Variants in PLCB1 observed in about 807,000 individuals in gnomAD.
PLCB1 encodes phospholipase C beta 1.
Under a neutral mutation model 161.8 loss-of-function variants are expected in PLCB1, and 46 were observed. That is an observed-to-expected ratio of 0.28 (90% confidence interval 0.22 to 0.36). The LOEUF (loss-of-function observed/expected upper bound fraction) is 0.36, where lower values mean the gene tolerates loss of function less well. Among genes scored for constraint, PLCB1 ranks in the 10% least tolerant of loss-of-function variants. PLCB1 has a pLI of 1.00. For missense variants in PLCB1, 1,016 were observed against 1,472.5 expected, an observed-to-expected ratio of 0.69 and a Z score of 5.07; for synonymous variants, 517 against 503.7, an observed-to-expected ratio of 1.03 and a Z score of -0.35.
intron 9 of PLCB1, among the ~76,000 whole-genome samples, chr20:8,680,429 T>C (rs1303258446): frequency 6.6e-6 from 1 of 152,224 alleles, no homozygotes; most frequent in South Asian, 2.1e-4. Flanking sequence ...ACAAACTGAC[T>C]GCTCTTTATC....
chr20:8,510,528 G>A (rs1035808720), intron 3 of PLCB1, among the ~76,000 whole-genome samples: 1 of 151,920 alleles, frequency 6.6e-6, no homozygotes, highest in Admixed American at 6.6e-5. Flanking sequence ...AGGGATTACA[G>A]GCATGGGCCA....
intron 2 of PLCB1, among the ~76,000 whole-genome samples, chr20:8,341,913 G>C (rs1028583463): frequency 6.6e-6 from 1 of 151,946 alleles, no homozygotes; most frequent in African/African-American, 2.4e-5. Flanking sequence ...AACTTGCCTT[G>C]ATTCCAAAGC....
intron 3 of PLCB1, among the ~76,000 whole-genome samples, chr20:8,530,872 T>C (rs551579290): frequency 6.6e-6 from 1 of 152,236 alleles, no homozygotes; most frequent in South Asian, 2.1e-4. Context: ...ATAGTTTTTA[T>C]TGAATAATTA....
intron 2 of PLCB1, among the ~76,000 whole-genome samples, chr20:8,279,182 A>G (rs1440953459): frequency 1.3e-5 from 2 of 152,150 alleles, no homozygotes; most frequent in Non-Finnish European, 2.9e-5. Flanking sequence ...GAAAGCAGGG[A>G]CTCTAACAAA....
At chr20:8,339,492 C>T (rs1043996317) in intron 2 of PLCB1, among the ~76,000 whole-genome samples, 36 of 152,204 alleles carry the variant, frequency 2.4e-4, no homozygotes, top group Middle Eastern at 3.2e-3. Flanking sequence ...CTCAGCCCAG[C>T]GATGCCTGAC....
chr20:8,209,175 G>A (rs1282627135), intron 2 of PLCB1, among the ~76,000 whole-genome samples: 1 of 151,748 alleles, frequency 6.6e-6, no homozygotes, highest in African/African-American at 2.4e-5. Context: ...TTAAACTTGA[G>A]GGCAGAAGAA....
chr20:8,702,265 TA>T (rs1978409985), intron 11 of PLCB1, among the ~76,000 whole-genome samples: 1 of 152,160 alleles, frequency 6.6e-6, no homozygotes, highest in African/African-American at 2.4e-5. Flanking sequence ...GGCCATGACA[TA>T]GCAATTCACC....
At chr20:8,622,080 A>ACC (rs61536691) in intron 3 of PLCB1, among the ~76,000 whole-genome samples, 89,797 of 151,510 alleles carry the variant, frequency 0.59, 27,189 homozygotes, top group African/African-American at 0.72. Flanking sequence ...ACATGGTGAA[A>ACC]CCGTCTCTAC....
intron 3 of PLCB1, among the ~76,000 whole-genome samples, chr20:8,579,388 A>G (rs963512665): frequency 6.6e-6 from 1 of 152,202 alleles, no homozygotes; most frequent in African/African-American, 2.4e-5. Context: ...GTCTACCTTC[A>G]CACATGTGAG....
intron 3 of PLCB1, among the ~76,000 whole-genome samples, chr20:8,608,816 T>G (rs991005112): frequency 2.6e-5 from 4 of 152,184 alleles, no homozygotes; most frequent in Non-Finnish European, 5.9e-5. Context: ...TAGAGCTTTA[T>G]TTTAATTATA....
chr20:8,454,097 G>A (rs1981193472), intron 3 of PLCB1, among the ~76,000 whole-genome samples: 1 of 152,112 alleles, frequency 6.6e-6, no homozygotes, highest in African/African-American at 2.4e-5. Flanking sequence ...AAGGCACCTT[G>A]GTCTTGGTCT....
chr20:8,855,867 C>T (rs1253575966), intron 31 of PLCB1, among the ~76,000 whole-genome samples: 1 of 152,148 alleles, frequency 6.6e-6, no homozygotes, highest in Non-Finnish European at 1.5e-5. Context: ...GTAAAATTTG[C>T]CACAGACTGG....
chr20:8,550,868 T>C (rs1322095230), intron 3 of PLCB1, among the ~76,000 whole-genome samples: 1 of 152,106 alleles, frequency 6.6e-6, no homozygotes, highest in Non-Finnish European at 1.5e-5. Flanking sequence ...ACCCTCTCTC[T>C]CTTTTTCTCT....
intron 9 of PLCB1, among the ~76,000 whole-genome samples, chr20:8,663,236 G>T (rs1272855913): frequency 6.6e-6 from 1 of 151,548 alleles, no homozygotes; most frequent in South Asian, 2.1e-4. Flanking sequence ...AGTTGTGTGT[G>T]TATACACATA....
intron 2 of PLCB1, among the ~76,000 whole-genome samples, chr20:8,329,412 C>T (rs1275010316): frequency 6.6e-6 from 1 of 151,868 alleles, no homozygotes; most frequent in African/African-American, 2.4e-5. Flanking sequence ...CTCGGCCTCC[C>T]AAAGTGTTGG....
At chr20:8,341,310 T>C (rs1232272853) in intron 2 of PLCB1, among the ~76,000 whole-genome samples, 1 of 152,148 alleles carries the variant, frequency 6.6e-6, no homozygotes, top group Admixed American at 6.5e-5. Flanking sequence ...TCACTGTGCT[T>C]CCCCTCCTCC....
chr20:8,349,088 T>C (rs965777351), intron 2 of PLCB1, among the ~76,000 whole-genome samples: 5 of 152,072 alleles, frequency 3.3e-5, no homozygotes, highest in African/African-American at 1.2e-4. Context: ...ACTACACACA[T>C]ATACATATAA....
chr20:8,395,441 A>G (rs754486747), intron 3 of PLCB1, among the ~76,000 whole-genome samples: 4 of 152,062 alleles, frequency 2.6e-5, no homozygotes, highest in Non-Finnish European at 4.4e-5. Context: ...TCCTACACAT[A>G]TACCAAAGAA....
chr20:8,367,346 C>A (rs890919012), intron 2 of PLCB1, among the ~76,000 whole-genome samples: 2 of 152,126 alleles, frequency 1.3e-5, no homozygotes, highest in Admixed American at 1.3e-4. Flanking sequence ...TCAGCATCAC[C>A]TGGAGGTTTA....
Sources: allele counts gnomAD v4.1 joint callset (sites outside exome capture counted in the v4.1 genomes callset), GRCh38; gene constraint gnomAD v4.1.1; transcripts MANE v1.5; gene names NCBI Gene and HGNC (gene_info 2026-07-23, HGNC 2026-07-21).